CD82: variants seen among roughly 807,000 people sequenced by gnomAD.
The protein encoded by CD82 is CD82 antigen.
In CD82, 36 loss-of-function variants were observed where a neutral mutation model predicts 37.4. The ratio of observed to expected loss-of-function variants is 0.96; its 90% confidence interval spans 0.74 to 1.27. The LOEUF (loss-of-function observed/expected upper bound fraction) is 1.27. Ranked by LOEUF, CD82 falls within the 50% of genes most tolerant of loss-of-function variation. The pLI is 0.00. For missense variants in CD82, 340 were observed against 347.0 expected (o/e 0.98, Z 0.16); for synonymous variants, 158 against 137.4 (o/e 1.15, Z -1.05).
intron 4 of CD82, among the ~76,000 whole-genome samples, chr11:44,604,224 C>T (rs1231524031): frequency 1.3e-5 from 2 of 152,204 alleles, no homozygotes; most frequent in Non-Finnish European, 2.9e-5. Flanking sequence ...CTTCTGCATC[C>T]CCAGCAACTG....
In CD82 at chr11:44,618,151, G is replaced by A. The variant is rs1206986180; in HGVS notation, c.439-11G>A. On this transcript the variant is annotated splice_polypyrimidine_tract_variant and intron_variant, in intron 7 of 9. Coordinates refer to ENST00000227155, the MANE Select transcript of CD82 (RefSeq NM_002231.4). The stretch of plus-strand genomic sequence containing the variant: ...CGTGAGCACAAGCAGTCTGTCCCCT[G>A]CCTTGCCCAGGTGAAGTGCTGCGGC... 6.2e-6 allele frequency: 10 copies of A among 1,613,538 alleles called. No individual in the cohort carries two copies. The highest frequency in any genetic ancestry group is 2.2e-5 in the East Asian group (1 of 44,860).
chr11:44,571,619 G>C (rs1304183581), intron 1 of CD82, among the ~76,000 whole-genome samples: 2 of 151,922 alleles, frequency 1.3e-5, no homozygotes, highest in Non-Finnish European at 1.5e-5. Context: ...GTATTGCTGA[G>C]GCTGGAGTGC....
chr11:44,604,180 C>T (rs1416117195), intron 4 of CD82, among the ~76,000 whole-genome samples: 2 of 152,204 alleles, frequency 1.3e-5, no homozygotes, highest in East Asian at 3.9e-4. Context: ...TGTCTCCACT[C>T]CCCACCCCCA....
At chr11:44,579,526 T>A (rs941737399) in intron 1 of CD82, among the ~76,000 whole-genome samples, 16 of 152,218 alleles carry the variant, frequency 1.1e-4, no homozygotes, top group African/African-American at 3.9e-4. Flanking sequence ...TGAGTCTATC[T>A]GTGTCTTAGT....
intron 1 of CD82, among the ~76,000 whole-genome samples, chr11:44,568,561 C>T (rs1852770422): frequency 2.0e-5 from 3 of 152,120 alleles, no homozygotes; most frequent in Non-Finnish European, 4.4e-5. Flanking sequence ...CTGATCCCTC[C>T]CTCCCATCCC....
rs1195167948 is a variant in CD82, at chr11:44,616,120, G to A, written c.438+747G>A. The stretch of plus-strand genomic sequence containing the variant: ...GCGCAGGACACAGTGGTCACTTAGG[G>A]CCTGTTGACACCTCAGGGGAGGGAT... On this transcript the variant is annotated intron_variant, in intron 7 of 9. Coordinates refer to ENST00000227155, the MANE Select transcript of CD82 (RefSeq NM_002231.4). Among the ~76,000 whole-genome samples the A allele has an allele frequency of 2.0e-5, 3 of 152,280 alleles. No homozygotes were observed. The East Asian group carries it at 5.8e-4, about 29-fold the overall frequency.
intron 1 of CD82, among the ~76,000 whole-genome samples, chr11:44,567,990 C>T (rs886494183): frequency 6.6e-6 from 1 of 152,144 alleles, no homozygotes; most frequent in Non-Finnish European, 1.5e-5. Flanking sequence ...AGTTTGGGAA[C>T]GTGTGGGGAT....
chr11:44,614,729 G>T (rs912261780), intron 6 of CD82, among the ~76,000 whole-genome samples: 2 of 152,190 alleles, frequency 1.3e-5, no homozygotes, highest in African/African-American at 4.8e-5. Flanking sequence ...GTCTGGTAAG[G>T]CCTTTCTGAG....
Position 44,611,155 on chromosome 11 carries a change from A to G in CD82, c.337-4117A>G, listed in dbSNP as rs370710810. On this transcript the variant is annotated intron_variant, in intron 6 of 9. Coordinates refer to ENST00000227155, the MANE Select transcript of CD82 (RefSeq NM_002231.4). ...CAGCTGAAATTCTTAATAATTTTTA[A>G]ACAAGGGGCCCTGCATTTTTGCTTT... Among the ~76,000 whole-genome samples the G allele has an allele frequency of 3.3e-5, 5 of 152,214 alleles. No individual in the cohort carries two copies. The East Asian group carries it at 7.7e-4, about 24-fold the overall frequency.
intron 2 of CD82, among the ~76,000 whole-genome samples, chr11:44,592,183 T>C (rs1258330952): frequency 6.6e-6 from 1 of 152,060 alleles, no homozygotes; most frequent in East Asian, 1.9e-4. Context: ...GAGCAGAGGA[T>C]GTGTGAGCTG....
At chr11:44,616,288 T>G (rs1853563145) in intron 7 of CD82, among the ~76,000 whole-genome samples, 1 of 152,152 alleles carries the variant, frequency 6.6e-6, no homozygotes, top group Non-Finnish European at 1.5e-5. Context: ...TTTCTGGCCC[T>G]GACCGAGGAG....
At chr11:44,596,006 A>C (rs139462860) in intron 3 of CD82, among the ~76,000 whole-genome samples, 1 of 151,824 alleles carries the variant, frequency 6.6e-6, no homozygotes, top group Non-Finnish European at 1.5e-5. Flanking sequence ...GCACCCGCAC[A>C]CAAGTGTTCA....
chr11:44,564,975 C>T (rs550436795), upstream of CD82, among the ~76,000 whole-genome samples: 18 of 152,362 alleles, frequency 1.2e-4, no homozygotes, highest in South Asian at 2.9e-3. Flanking sequence ...AGAGCCTGGC[C>T]CCTGGCAAGG....
intron 7 of CD82, 145 bp from the exon 8 acceptor site, chr11:44,618,017 G>T: frequency 1.5e-6 from 1 of 653,190 alleles, no homozygotes; most frequent in African/African-American, 1.8e-5. Flanking sequence ...TGCTGTACTT[G>T]TAGTTTATGA....
At chr11:44,582,147 G>A (rs1282325833) in intron 1 of CD82, among the ~76,000 whole-genome samples, 1 of 151,418 alleles carries the variant, frequency 6.6e-6, no homozygotes, top group Non-Finnish European at 1.5e-5. Flanking sequence ...GTGTGACCAG[G>A]GCCAGTGCCG....
At chr11:44,612,170 G>C (rs879436821) in intron 6 of CD82, among the ~76,000 whole-genome samples, 3 of 152,214 alleles carry the variant, frequency 2.0e-5, no homozygotes, top group Admixed American at 6.5e-5. Flanking sequence ...TAGCTTTTCT[G>C]GGCCCTGGTT....
chr11:44,573,922 G>A (rs1281676111), intron 1 of CD82, among the ~76,000 whole-genome samples: 1 of 152,180 alleles, frequency 6.6e-6, no homozygotes, highest in East Asian at 1.9e-4. Context: ...TTCGTGGCAG[G>A]CCCAGGGAAG....
intron 7 of CD82, among the ~76,000 whole-genome samples, chr11:44,616,101 G>A (rs746123636): frequency 6.6e-6 from 1 of 152,158 alleles, no homozygotes; most frequent in Admixed American, 6.5e-5. Flanking sequence ...GAGGGCGCAG[G>A]ACACAGTGGT....
At chr11:44,581,188 C>T (rs775202305) in intron 1 of CD82, among the ~76,000 whole-genome samples, 3 of 152,172 alleles carry the variant, frequency 2.0e-5, no homozygotes, top group Non-Finnish European at 4.4e-5. Context: ...TTTTCATTAC[C>T]TGTCATTTAC....
Sources: allele counts gnomAD v4.1 joint callset (sites outside exome capture counted in the v4.1 genomes callset), GRCh38; gene constraint gnomAD v4.1.1; transcripts MANE v1.5; gene names NCBI Gene and HGNC (gene_info 2026-07-23, HGNC 2026-07-21).